The following FBXO4 variants were observed in gnomAD, a reference collection of about 807,000 sequenced individuals.
The protein encoded by FBXO4 is F-box only protein 4.
FBXO4 carries 36 observed loss-of-function variants against 43.7 expected under a neutral mutation model. The observed-to-expected ratio is 0.82, with a 90% confidence interval of 0.63 to 1.09. FBXO4 has a LOEUF of 1.09. Among genes scored for constraint, FBXO4 ranks in the 50% least tolerant of loss-of-function variants. The pLI is 0.00. For missense variants in FBXO4, 435 were observed against 474.1 expected (o/e 0.92, Z 0.77); for synonymous variants, 180 against 165.6 (o/e 1.09, Z -0.67).
chr5:41,989,216 A>G, the FBXO4 span, among the ~76,000 whole-genome samples: 1 of 152,166 alleles, frequency 6.6e-6, no homozygotes, highest in African/African-American at 2.4e-5. Context: ...ATTAGATATT[A>G]TCATTGATAT....
At chr5:42,020,265 A>G in the FBXO4 span, among the ~76,000 whole-genome samples, 3 of 152,312 alleles carry the variant, frequency 2.0e-5, no homozygotes, top group African/African-American at 7.2e-5. Context: ...CATCCTTCCT[A>G]TTAAGGAGTA....
chr5:41,948,292 C>T, the FBXO4 span, among the ~76,000 whole-genome samples: 2 of 151,970 alleles, frequency 1.3e-5, no homozygotes, highest in Admixed American at 6.6e-5. Context: ...GCTGCCACCA[C>T]GCCCGGCTAA....
chr5:41,934,590 A>C, intron 5 of FBXO4: 15 of 1,320,336 alleles, frequency 1.1e-5, no homozygotes, highest in Non-Finnish European at 1.5e-5. Context: ...TTTTCCAAGC[A>C]CCCAGGGAAT....
At chr5:41,967,396 G>A in the FBXO4 span, 5 of 521,396 alleles carry the variant, frequency 9.6e-6, no homozygotes, top group South Asian at 8.3e-5. Context: ...CTTCTCCCTT[G>A]GTCATATTTG....
chr5:42,008,299 G>A, the FBXO4 span, among the ~76,000 whole-genome samples: 2 of 152,152 alleles, frequency 1.3e-5, no homozygotes, highest in South Asian at 4.1e-4. Context: ...GCATGACTCT[G>A]ACCCTTGTTT....
chr5:42,005,281 A>G, the FBXO4 span, among the ~76,000 whole-genome samples: 1 of 152,162 alleles, frequency 6.6e-6, no homozygotes, highest in Non-Finnish European at 1.5e-5. Context: ...CAAAGTTCAA[A>G]TTATAAACTT....
chr5:41,967,578 C>T, the FBXO4 span: 1 of 1,119,670 alleles, frequency 8.9e-7, no homozygotes, highest in African/African-American at 1.5e-5. Flanking sequence ...GGCATTACAA[C>T]ATTTTTTGAC....
chr5:41,929,600 C>T (rs1321361758), intron 2 of FBXO4, 97 bp from the exon 3 acceptor site: 2 of 812,184 alleles, frequency 2.5e-6, no homozygotes, highest in Non-Finnish European at 3.9e-6. Context: ...ATCATTGTAT[C>T]CATTGTGTCT....
chr5:41,994,373 T>A, the FBXO4 span, among the ~76,000 whole-genome samples: 1 of 152,242 alleles, frequency 6.6e-6, no homozygotes, highest in Non-Finnish European at 1.5e-5. Flanking sequence ...ATTACAGTCC[T>A]TGTGTTCTGC....
downstream of FBXO4, among the ~76,000 whole-genome samples, chr5:41,943,211 T>C (rs931215559): frequency 6.6e-6 from 1 of 152,154 alleles, no homozygotes; most frequent in African/African-American, 2.4e-5. Context: ...ACAGGCTATT[T>C]TGATGTTTAA....
chr5:41,987,496 A>G, the FBXO4 span, among the ~76,000 whole-genome samples: 5 of 152,202 alleles, frequency 3.3e-5, no homozygotes, highest in Non-Finnish European at 5.9e-5. Context: ...ATGAAAAACC[A>G]TAGAGAAGGG....
chr5:41,999,741 G>A, the FBXO4 span, among the ~76,000 whole-genome samples: 4 of 151,044 alleles, frequency 2.6e-5, no homozygotes, highest in Admixed American at 1.3e-4. Flanking sequence ...AGGCTGGGAG[G>A]CTAAGCCAGT....
intron 3 of FBXO4, among the ~76,000 whole-genome samples, chr5:41,930,573 A>G (rs1751655559): frequency 6.6e-6 from 1 of 152,188 alleles, no homozygotes; most frequent in Non-Finnish European, 1.5e-5. Context: ...GATGTCTCAT[A>G]TGAGTCACTA....
At chr5:41,979,305 T>G in the FBXO4 span, among the ~76,000 whole-genome samples, 1 of 152,244 alleles carries the variant, frequency 6.6e-6, no homozygotes, top group Admixed American at 6.5e-5. Flanking sequence ...TTCTCATTAT[T>G]AAAAGGTGAC....
the FBXO4 span, among the ~76,000 whole-genome samples, chr5:42,028,642 T>G: frequency 6.6e-6 from 1 of 151,902 alleles, no homozygotes; most frequent in African/African-American, 2.4e-5. Flanking sequence ...GTGAGCATGT[T>G]TTTCTCTGGT....
At chr5:41,995,583 G>T in the FBXO4 span, among the ~76,000 whole-genome samples, 1,217 of 152,288 alleles carry the variant, frequency 8.0e-3, 8 homozygotes, top group Middle Eastern at 0.027. Context: ...GATGACAGGG[G>T]TGTCTGGGGA....
At chr5:42,014,450 G>A in the FBXO4 span, among the ~76,000 whole-genome samples, 1 of 152,074 alleles carries the variant, frequency 6.6e-6, no homozygotes, top group Admixed American at 6.6e-5. Flanking sequence ...ATCCCTAATT[G>A]AGAACAATTG....
chr5:41,956,830 A>C, the FBXO4 span, among the ~76,000 whole-genome samples: 1 of 151,058 alleles, frequency 6.6e-6, no homozygotes, highest in South Asian at 2.1e-4. Context: ...CTCCTGCCTC[A>C]GCCTCCCAAG....
downstream of FBXO4, among the ~76,000 whole-genome samples, chr5:41,945,708 A>C (rs1354183556): frequency 6.6e-6 from 1 of 152,196 alleles, no homozygotes; most frequent in East Asian, 1.9e-4. Context: ...ACGCCTGTCC[A>C]TATGGATAAG....
Sources: allele counts gnomAD v4.1 joint callset (sites outside exome capture counted in the v4.1 genomes callset), GRCh38; gene constraint gnomAD v4.1.1; transcripts MANE v1.5; gene names NCBI Gene and HGNC (gene_info 2026-07-23, HGNC 2026-07-21).